Variants in PHACTR4 observed in about 807,000 individuals in gnomAD.
PHACTR4 encodes protein phosphatase 1, regulatory subunit 124.
Under a neutral mutation model 72.7 loss-of-function variants are expected in PHACTR4, and 51 were observed. The observed-to-expected ratio is 0.70, with a 90% CI of 0.56 to 0.89. The LOEUF (loss-of-function observed/expected upper bound fraction) is 0.89. PHACTR4 is among the 40% of genes least tolerant of loss of function. The probability of loss-of-function intolerance (pLI) is 0.00; values close to 1 mark genes in which losing one functional copy is unlikely to be tolerated. For missense variants in PHACTR4, 731 were observed against 861.8 expected (o/e 0.85, Z 1.90); for synonymous variants, 255 against 302.5 (o/e 0.84, Z 1.63).
chr1:28,463,995 T>A (rs1246523553), intron 4 of PHACTR4, among the ~76,000 whole-genome samples: 1 of 151,982 alleles, frequency 6.6e-6, no homozygotes, highest in East Asian at 1.9e-4. Flanking sequence ...CCTCCCAAAT[T>A]GTTGGGATTA....
intron 2 of PHACTR4, among the ~76,000 whole-genome samples, chr1:28,438,609 T>C (rs1656789417): frequency 6.6e-6 from 1 of 152,214 alleles, no homozygotes; most frequent in Non-Finnish European, 1.5e-5. Context: ...CTTTAAAAAA[T>C]TAAGTTTTTT....
chr1:28,486,149 G>A (rs191127632), intron 9 of PHACTR4, among the ~76,000 whole-genome samples: 73 of 152,218 alleles, frequency 4.8e-4, no homozygotes, highest in African/African-American at 1.6e-3. Context: ...CTGAGGTTGG[G>A]AGTTCGAGAC....
chr1:28,445,844 T>C (rs551941860), intron 2 of PHACTR4, among the ~76,000 whole-genome samples: 15 of 152,162 alleles, frequency 9.9e-5, no homozygotes, highest in African/African-American at 3.6e-4. Flanking sequence ...CAGTGAGCCA[T>C]GATCATGTCA....
chr1:28,387,062 A>G (rs927584490), intron 1 of PHACTR4, among the ~76,000 whole-genome samples: 15 of 151,982 alleles, frequency 9.9e-5, no homozygotes, highest in African/African-American at 3.6e-4. Context: ...AGAGATCGAG[A>G]CAACCCTGGC....
chr1:28,495,905 G>A (rs972187349), intron 13 of PHACTR4, among the ~76,000 whole-genome samples: 9 of 151,722 alleles, frequency 5.9e-5, no homozygotes, highest in African/African-American at 1.9e-4. Flanking sequence ...ACAGGCATGA[G>A]CCACCGTGAC....
intron 1 of PHACTR4, among the ~76,000 whole-genome samples, chr1:28,402,883 A>G (rs1654043842): frequency 6.6e-6 from 1 of 152,230 alleles, no homozygotes; most frequent in South Asian, 2.1e-4. Context: ...GATTGATATT[A>G]TAACAACATC....
intron 2 of PHACTR4, among the ~76,000 whole-genome samples, chr1:28,431,402 C>G (rs1040768843): frequency 1.3e-4 from 19 of 151,024 alleles, no homozygotes; most frequent in African/African-American, 4.1e-4. Flanking sequence ...ACCATGTTAG[C>G]CAGGATGGTC....
chr1:28,380,854 A>G (rs531789146), intron 1 of PHACTR4, among the ~76,000 whole-genome samples: 2 of 152,266 alleles, frequency 1.3e-5, no homozygotes, highest in Admixed American at 6.5e-5. Flanking sequence ...CTTTGGGTAT[A>G]TAACCAGTAA....
At chr1:28,439,267 CAT>C (rs1656832630) in intron 2 of PHACTR4, among the ~76,000 whole-genome samples, 1 of 151,446 alleles carries the variant, frequency 6.6e-6, no homozygotes, top group Non-Finnish European at 1.5e-5. Flanking sequence ...CAGCAGAAAA[CAT>C]GTTCAGTCCT....
Position 28,496,708 on chromosome 1 carries a change from CAG to C in PHACTR4, c.*162_*163del. On this transcript the variant is annotated 3_prime_UTR_variant, in exon 14 of 14. Coordinates refer to ENST00000373839, the MANE Select transcript of PHACTR4 (RefSeq NM_001048183.3). ...CTTTGAATGTAGCATTTCACTGGAA[CAG>C]AGTCTTATGTGCTGCACCGGGGGCA... 1.2e-6 allele frequency: 1 copy of C among 835,740 alleles called. No homozygotes were observed. Among genetic ancestry groups the C allele is most frequent in the South Asian group, 1.5e-5 (1 of 68,788 alleles). 51.8% of individuals were successfully genotyped at this position (835,740 alleles called of 1,614,324 possible). A position where few individuals can be genotyped will look rare whatever the true frequency, so the allele number is the denominator to read the frequency against.
intron 2 of PHACTR4, among the ~76,000 whole-genome samples, chr1:28,439,441 A>T (rs994373062): frequency 3.9e-5 from 6 of 152,166 alleles, no homozygotes; most frequent in African/African-American, 1.4e-4. Flanking sequence ...TTCCTAGATG[A>T]AATATCTTCA....
chr1:28,372,187 TA>T (rs1165063013), intron 1 of PHACTR4, among the ~76,000 whole-genome samples: 2 of 151,888 alleles, frequency 1.3e-5, no homozygotes, highest in African/African-American at 4.8e-5. Flanking sequence ...GCCTGGCCAA[TA>T]AAAAATTCTA....
chr1:28,433,085 C>A, intron 2 of PHACTR4: 2 of 985,246 alleles, frequency 2.0e-6, no homozygotes, highest in Non-Finnish European at 2.4e-6. Flanking sequence ...GGAAGAGAAT[C>A]ACAAATTTTA....
intron 13 of PHACTR4, among the ~76,000 whole-genome samples, chr1:28,494,534 C>T (rs562630772): frequency 1.3e-5 from 2 of 152,244 alleles, no homozygotes; most frequent in East Asian, 3.9e-4. Flanking sequence ...TGCCTGTAGT[C>T]CCAGATACTT....
intron 2 of PHACTR4, among the ~76,000 whole-genome samples, chr1:28,411,748 A>G (rs1569866413): frequency 6.6e-6 from 1 of 152,160 alleles, no homozygotes; most frequent in Admixed American, 6.5e-5. Context: ...AGAAATCACC[A>G]CTAAAGAACG....
intron 1 of PHACTR4, among the ~76,000 whole-genome samples, chr1:28,387,295 C>G (rs1477946389): frequency 6.8e-6 from 1 of 147,784 alleles, no homozygotes; most frequent in Non-Finnish European, 1.5e-5. Context: ...AGCCCTCAAA[C>G]AGTTTTCCCC....
chr1:28,413,969 G>C (rs1369742391), intron 2 of PHACTR4, among the ~76,000 whole-genome samples: 1 of 152,172 alleles, frequency 6.6e-6, no homozygotes, highest in East Asian at 1.9e-4. Context: ...GGATGGTAAG[G>C]GGTGAAGAAA....
rs533771083 is a variant in PHACTR4, at chr1:28,465,257, C to T, written c.272-428C>T. 4.6e-5 allele frequency among the ~76,000 whole-genome samples: 7 copies of T among 152,084 alleles called. No individual in the cohort carries two copies. In the East Asian group the frequency reaches 1.2e-3, roughly 25 times the overall value. Reference sequence around the variant, plus strand: ...CGGGCAGATCACGAGGTCAGGAGATCGAGACCATCCTGGCTAACACGGTGA... The same window carrying T: ...CGGGCAGATCACGAGGTCAGGAGATTGAGACCATCCTGGCTAACACGGTGA... On this transcript the variant is annotated intron_variant, in intron 4 of 13. Transcript: ENST00000373839.
At chr1:28,446,526 A>G (rs1337878243) in intron 2 of PHACTR4, among the ~76,000 whole-genome samples, 1 of 152,154 alleles carries the variant, frequency 6.6e-6, no homozygotes. Flanking sequence ...CATGCCTGTA[A>G]TCCCAGCACT....
Sources: gnomAD v4.1 joint callset for allele counts (sites outside exome capture counted in the v4.1 genomes callset) on GRCh38, gnomAD v4.1.1 for gene constraint, MANE v1.5 for transcripts, NCBI Gene and HGNC (gene_info 2026-07-23, HGNC 2026-07-21) for gene names.